Variants in MGLL observed in about 807,000 individuals in gnomAD.
The protein encoded by MGLL is lysophospholipase homolog.
Under a neutral mutation model 29.1 loss-of-function variants are expected in MGLL, and 7 were observed. The observed-to-expected ratio is 0.24, with a 90% CI of 0.14 to 0.45. The LOEUF (loss-of-function observed/expected upper bound fraction) is 0.45. MGLL is among the 20% of genes least tolerant of loss of function. The pLI is 0.99. For missense variants in MGLL, 356 were observed against 413.6 expected, an observed-to-expected ratio of 0.86 and a Z score of 1.21; for synonymous variants, 148 against 168.3, an observed-to-expected ratio of 0.88 and a Z score of 0.93.
chr3:127,729,736 T>C (rs887427774), intron 3 of MGLL, among the ~76,000 whole-genome samples: 5 of 152,202 alleles, frequency 3.3e-5, no homozygotes, highest in Admixed American at 2.6e-4. Flanking sequence ...TCAGCTCCAC[T>C]GGTTTGCTTA....
At chr3:127,804,775 G>A (rs2107741623) in intron 2 of MGLL, among the ~76,000 whole-genome samples, 1 of 152,322 alleles carries the variant, frequency 6.6e-6, no homozygotes, top group East Asian at 1.9e-4. Flanking sequence ...GGCCAGGCCT[G>A]CCACCCCAGA....
intron 2 of MGLL, among the ~76,000 whole-genome samples, chr3:127,792,608 C>T (rs779121822): frequency 5.4e-4 from 82 of 151,830 alleles, no homozygotes; most frequent in Non-Finnish European, 8.8e-4. Flanking sequence ...GAGGCTGAGG[C>T]AGGAGAATCA....
At chr3:127,809,219 C>T (rs985793862) in intron 2 of MGLL, among the ~76,000 whole-genome samples, 1 of 152,156 alleles carries the variant, frequency 6.6e-6, no homozygotes, top group African/African-American at 2.4e-5. Flanking sequence ...TATCATGGAG[C>T]TAATATCCTC....
chr3:127,803,376 A>C (rs2077512338), intron 2 of MGLL, among the ~76,000 whole-genome samples: 1 of 152,176 alleles, frequency 6.6e-6, no homozygotes, highest in Admixed American at 6.5e-5. Flanking sequence ...AGGAACAAGC[A>C]GTGGGGTGGG....
At chr3:127,694,284 A>ATATATATAT (rs1181255759) in intron 7 of MGLL, among the ~76,000 whole-genome samples, 2 of 106,046 alleles carry the variant, frequency 1.9e-5, no homozygotes, top group African/African-American at 6.7e-5. Flanking sequence ...AAAAAAAAAA[A>ATATATATAT]AAATATATAT....
At chr3:127,692,890 C>T (rs1187239037) in intron 7 of MGLL, among the ~76,000 whole-genome samples, 1 of 152,222 alleles carries the variant, frequency 6.6e-6, no homozygotes, top group African/African-American at 2.4e-5. Context: ...TCAGTCCAGG[C>T]TCACCCCACC....
At chr3:127,743,880 T>C (rs576555400) in intron 3 of MGLL, among the ~76,000 whole-genome samples, 1 of 152,274 alleles carries the variant, frequency 6.6e-6, no homozygotes, top group South Asian at 2.1e-4. Flanking sequence ...ATGGTCCCAG[T>C]TTCAATCCAC....
intron 3 of MGLL, among the ~76,000 whole-genome samples, chr3:127,766,398 G>A (rs777546269): frequency 7.2e-5 from 11 of 152,122 alleles, no homozygotes; most frequent in Non-Finnish European, 1.2e-4. Flanking sequence ...ATGTAGACAC[G>A]CACCTTATTG....
At chr3:127,749,054 C>G (rs1283278778) in intron 3 of MGLL, among the ~76,000 whole-genome samples, 1 of 152,154 alleles carries the variant, frequency 6.6e-6, no homozygotes, top group Non-Finnish European at 1.5e-5. Flanking sequence ...TGTCTACAAC[C>G]CTGATCACTC....
At chr3:127,699,449 A>G (rs2075436286) in intron 6 of MGLL, among the ~76,000 whole-genome samples, 1 of 152,160 alleles carries the variant, frequency 6.6e-6, no homozygotes, top group South Asian at 2.1e-4. Flanking sequence ...ACTCTTTACT[A>G]GGTGCTGTAG....
In MGLL at chr3:127,692,135, G is replaced by C; in HGVS notation, c.*63C>G. On this transcript the variant is annotated 3_prime_UTR_variant, in exon 8 of 8. Transcript: ENST00000265052. Reference sequence around the variant, plus strand: ...TTTTTTGGCAAGCCATATCTGAGAAGCCATCTCTGCCCTTCCCCTGCCTGC... The same window carrying C: ...TTTTTTGGCAAGCCATATCTGAGAACCCATCTCTGCCCTTCCCCTGCCTGC... The C allele has an allele frequency of 1.4e-5, 11 of 783,050 alleles. No individual in the cohort carries two copies. The highest frequency in any genetic ancestry group is 2.2e-5 in the Non-Finnish European group (11 of 502,914). The allele number at this position is 783,050 out of a possible 1,614,324, so 48.5% of individuals were successfully genotyped here.
intron 5 of MGLL, chr3:127,715,674 C>G (rs1353572981): frequency 4.4e-6 from 2 of 456,500 alleles, no homozygotes; most frequent in African/African-American, 2.0e-5. Context: ...AACGGTTGAG[C>G]AGGGGCCATT....
intron 6 of MGLL, among the ~76,000 whole-genome samples, chr3:127,705,626 A>G (rs1576479872): frequency 6.6e-6 from 1 of 152,092 alleles, no homozygotes; most frequent in South Asian, 2.1e-4. Flanking sequence ...AAAATATGAA[A>G]TTAGCCTGGT....
intron 3 of MGLL, among the ~76,000 whole-genome samples, chr3:127,734,195 C>A (rs1226025280): frequency 6.6e-6 from 1 of 152,240 alleles, no homozygotes; most frequent in Non-Finnish European, 1.5e-5. Flanking sequence ...GTCTCACTTT[C>A]ATAACCAGAG....
At chr3:127,696,445 C>T (rs1246447495) in intron 6 of MGLL, among the ~76,000 whole-genome samples, 5 of 120,014 alleles carry the variant, frequency 4.2e-5, no homozygotes, top group African/African-American at 1.3e-4. Context: ...ACGGAGTCTC[C>T]CTCTGTCACC....
intron 3 of MGLL, among the ~76,000 whole-genome samples, chr3:127,738,077 G>A (rs909863681): frequency 1.3e-5 from 2 of 152,066 alleles, no homozygotes; most frequent in African/African-American, 4.8e-5. Context: ...AAGGTGGGCA[G>A]ATGGCTTAAA....
chr3:127,693,969 T>C (rs554832579), intron 7 of MGLL, among the ~76,000 whole-genome samples: 1 of 152,282 alleles, frequency 6.6e-6, no homozygotes, highest in African/African-American at 2.4e-5. Flanking sequence ...TGTTCCACTG[T>C]GGCTTTTAAA....
intron 3 of MGLL, among the ~76,000 whole-genome samples, chr3:127,747,804 T>A (rs762080779): frequency 1.3e-5 from 2 of 152,164 alleles, no homozygotes; most frequent in African/African-American, 2.4e-5. Flanking sequence ...GAAACCGTGA[T>A]TGGAGCGGGC....
At chr3:127,735,253 G>A (rs1001361482) in intron 3 of MGLL, among the ~76,000 whole-genome samples, 3 of 152,188 alleles carry the variant, frequency 2.0e-5, no homozygotes, top group Admixed American at 6.5e-5. Flanking sequence ...TTTGGTATCC[G>A]GTAAGGTTGA....
Sources: gnomAD v4.1 joint callset for allele counts (sites outside exome capture counted in the v4.1 genomes callset) on GRCh38, gnomAD v4.1.1 for gene constraint, MANE v1.5 for transcripts, NCBI Gene and HGNC (gene_info 2026-07-23, HGNC 2026-07-21) for gene names.